Variants in ADGRV1 observed in about 807,000 individuals in gnomAD.
ADGRV1 encodes the protein adhesion G protein-coupled receptor V1.
A neutral mutation model predicts 596.2 loss-of-function variants in ADGRV1; 359 were observed. That is an observed-to-expected ratio of 0.60 (90% CI 0.55 to 0.66). The LOEUF (loss-of-function observed/expected upper bound fraction) is 0.66, where lower values mean the gene tolerates loss of function less well. Ranked by LOEUF, ADGRV1 falls within the 30% of genes least tolerant of loss-of-function variation. ADGRV1 has a pLI of 0.00. For missense variants in ADGRV1, 7,274 were observed against 7,575.6 expected (o/e 0.96, Z 1.48); for synonymous variants, 2,681 against 2,679.2 (o/e 1.00, Z -0.02).
At chr5:91,048,057 CTT>C (rs1785983864) in intron 85 of ADGRV1, among the ~76,000 whole-genome samples, 1 of 151,994 alleles carries the variant, frequency 6.6e-6, no homozygotes, top group Non-Finnish European at 1.5e-5. Flanking sequence ...TGGTTAGCCT[CTT>C]TTTCCCTGCC....
intron 85 of ADGRV1, among the ~76,000 whole-genome samples, chr5:91,025,232 C>G (rs1783929114): frequency 2.6e-5 from 4 of 152,126 alleles, no homozygotes; most frequent in Admixed American, 1.3e-4. Flanking sequence ...CACCTCCTCC[C>G]CCATGCAGAA....
At chr5:90,870,619 G>A (rs1393989603) in intron 83 of ADGRV1, among the ~76,000 whole-genome samples, 1 of 152,186 alleles carries the variant, frequency 6.6e-6, no homozygotes, top group Non-Finnish European at 1.5e-5. Context: ...AGGTTAAAGA[G>A]TAAATGGATA....
Position 90,745,728 on chromosome 5 carries a change from T to G in ADGRV1, c.10907T>G (p.Ile3636Ser). Reference sequence around the variant, plus strand: ...CCCAAAGGAGGAGCAGAGATTGGCATTAATGATTCTGTAACAATAACCATT... The same window carrying G: ...CCCAAAGGAGGAGCAGAGATTGGCAGTAATGATTCTGTAACAATAACCATT... ...KNPKGGAEIG[I>S]NDSVTITILS... The change falls in exon 52 of 90, where the codon ATT becomes AGT. Residue 3636 changes from isoleucine to serine, a missense_variant. By Grantham distance (142) the Ile-to-Ser change is moderately radical (BLOSUM62 -2). Coordinates refer to ENST00000405460, the MANE Select transcript of ADGRV1 (RefSeq NM_032119.4). 6.2e-7 allele frequency: 1 copy of G among 1,612,318 alleles called. No homozygotes were observed. The highest frequency in any genetic ancestry group is 8.5e-7 in the Non-Finnish European group (1 of 1,178,864).
At chr5:90,832,175 T>C (rs1334064425) in intron 77 of ADGRV1, among the ~76,000 whole-genome samples, 1 of 152,146 alleles carries the variant, frequency 6.6e-6, no homozygotes, top group Non-Finnish European at 1.5e-5. Flanking sequence ...CTGAGGAATC[T>C]CCAAACTTCT....
chr5:90,848,685 C>A lies in ADGRV1; in HGVS notation c.17068C>A (p.Leu5690Ile). 1 of 1,574,968 alleles carries A rather than the reference C, an allele frequency of 6.3e-7. No individual in the cohort carries two copies. The highest frequency in any genetic ancestry group is 8.6e-7 in the Non-Finnish European group (1 of 1,164,316). ...AGCTTTCAGTGTTGCCAGCCGAACT[C>A]TTTTCTATGAGATTCTTTGTTCTCT... ...IQAFSVASRT[L>I]FYEILCSLIN... The change falls in exon 79 of 90, where the codon CTT (leucine) becomes ATT (isoleucine). Residue 5690 changes from leucine (L) to isoleucine (I), a missense_variant. Around this residue, in one of 5 missense-constraint regions of ADGRV1, gnomAD observed 1,874 missense variants for 1,970.2 expected, o/e 0.95. Transcript: ENST00000405460.
At chr5:90,969,163 A>G (rs1470709774) in intron 84 of ADGRV1, among the ~76,000 whole-genome samples, 1 of 152,242 alleles carries the variant, frequency 6.6e-6, no homozygotes, top group African/African-American at 2.4e-5. Context: ...TCAAGTTGTA[A>G]TAACAGTACC....
At chr5:91,079,379 C>T (rs1236028512) in intron 86 of ADGRV1, among the ~76,000 whole-genome samples, 1 of 152,154 alleles carries the variant, frequency 6.6e-6, no homozygotes, top group Non-Finnish European at 1.5e-5. Flanking sequence ...CATATGGATG[C>T]CCATTCTCTG....
intron 84 of ADGRV1, among the ~76,000 whole-genome samples, chr5:90,972,507 A>C (rs1367604201): frequency 6.6e-6 from 1 of 152,236 alleles, no homozygotes; most frequent in Non-Finnish European, 1.5e-5. Context: ...ACTGTCTCTC[A>C]GACCACAGTG....
At chr5:91,141,237 A>G (rs938802417) in intron 87 of ADGRV1, among the ~76,000 whole-genome samples, 1 of 152,250 alleles carries the variant, frequency 6.6e-6, no homozygotes. Context: ...TTAATGATAG[A>G]CATGTCTGAA....
intron 63 of ADGRV1, 61 bp from the exon 64 acceptor site, chr5:90,778,804 C>T (rs770840372): frequency 5.5e-4 from 747 of 1,354,300 alleles, no homozygotes; most frequent in Non-Finnish European, 7.0e-4. Flanking sequence ...CGTTTAGTTA[C>T]AGACAGTATT....
At chr5:90,657,844 G>A (rs955294752) in intron 20 of ADGRV1, 61 bp from the exon 21 acceptor site, 89 of 1,443,386 alleles carry the variant, frequency 6.2e-5, no homozygotes, top group Admixed American at 2.2e-4. Flanking sequence ...TGAATCACAC[G>A]TAAAATTTAG....
At chr5:91,034,993 A>G (rs1431616228) in intron 85 of ADGRV1, among the ~76,000 whole-genome samples, 3 of 152,078 alleles carry the variant, frequency 2.0e-5, no homozygotes, top group Admixed American at 6.6e-5. Context: ...GCTATTCTCC[A>G]ACTCCTGGCC....
At chr5:91,026,519 A>G (rs546061923) in intron 85 of ADGRV1, among the ~76,000 whole-genome samples, 1 of 152,294 alleles carries the variant, frequency 6.6e-6, no homozygotes, top group Non-Finnish European at 1.5e-5. Flanking sequence ...TGAATTAAGT[A>G]CACACTATTA....
intron 81 of ADGRV1, among the ~76,000 whole-genome samples, chr5:90,855,525 G>A (rs1439414060): frequency 6.6e-6 from 1 of 152,102 alleles, no homozygotes; most frequent in Admixed American, 6.6e-5. Context: ...CAAAGCTTTG[G>A]TTGGTATTTA....
At chr5:91,037,350 T>A (rs1485935494) in intron 85 of ADGRV1, among the ~76,000 whole-genome samples, 1 of 151,460 alleles carries the variant, frequency 6.6e-6, no homozygotes, top group Non-Finnish European at 1.5e-5. Context: ...CATATATTCT[T>A]AAAAAAAAAT....
At chr5:90,831,147 C>G (rs1204770971) in intron 77 of ADGRV1, among the ~76,000 whole-genome samples, 1 of 152,022 alleles carries the variant, frequency 6.6e-6, no homozygotes, top group Non-Finnish European at 1.5e-5. Context: ...CCTGTGAAAT[C>G]ATCCTGCAGA....
chr5:90,851,307 A>G (rs1766499815), intron 79 of ADGRV1, among the ~76,000 whole-genome samples: 1 of 152,172 alleles, frequency 6.6e-6, no homozygotes, highest in African/African-American at 2.4e-5. Context: ...AAATTAAGGC[A>G]GGGACATGGG....
At chr5:90,668,973 C>T (rs1370872004) in intron 21 of ADGRV1, among the ~76,000 whole-genome samples, 1 of 152,176 alleles carries the variant, frequency 6.6e-6, no homozygotes, top group African/African-American at 2.4e-5. Flanking sequence ...AACCATTATA[C>T]ATTTCTTAGT....
intron 67 of ADGRV1, among the ~76,000 whole-genome samples, chr5:90,786,712 A>G (rs1759492114): frequency 6.6e-6 from 1 of 152,226 alleles, no homozygotes; most frequent in Non-Finnish European, 1.5e-5. Context: ...TGAGGGAAAG[A>G]CAGGAATCAA....
Sources: allele counts gnomAD v4.1 joint callset (sites outside exome capture counted in the v4.1 genomes callset), GRCh38; gene constraint gnomAD v4.1.1; regional missense constraint gnomAD v4.1.1; transcripts MANE v1.5; gene names NCBI Gene and HGNC (gene_info 2026-07-23, HGNC 2026-07-21).